Variants in FXYD4 observed in about 807,000 individuals in gnomAD.
The protein encoded by FXYD4 is FXYD domain-containing ion transport regulator 4.
FXYD4 carries 14 observed loss-of-function variants against 18.3 expected under a neutral mutation model. That is an observed-to-expected ratio of 0.77 (90% confidence interval 0.51 to 1.20). The LOEUF is 1.20. Ranked by LOEUF, FXYD4 falls within the 50% of genes most tolerant of loss-of-function variation. The pLI, the probability that FXYD4 is intolerant of heterozygous loss-of-function variation, is 0.00. For missense variants in FXYD4, 99 were observed against 106.1 expected, an observed-to-expected ratio of 0.93 and a Z score of 0.29; for synonymous variants, 40 against 40.5, an observed-to-expected ratio of 0.99 and a Z score of 0.04.
chr10:43,375,638 G>C, intron 6 of FXYD4, 57 bp from the exon 7 acceptor site: 1 of 1,610,314 alleles, frequency 6.2e-7, no homozygotes, highest in Non-Finnish European at 8.5e-7. Context: ...GGGGCAGAAA[G>C]AGAGAGTGCT....
intron 7 of FXYD4, 142 bp downstream of exon 7, chr10:43,375,876 C>G: frequency 1.6e-6 from 2 of 1,214,056 alleles, no homozygotes; most frequent in Non-Finnish European, 2.4e-6. Context: ...CTGAAGGGCC[C>G]CAGTCAGGAA....
At chr10:43,375,618 C>A (rs201709795) in intron 6 of FXYD4, 45 bp downstream of exon 6, 9 of 1,602,486 alleles carry the variant, frequency 5.6e-6, no homozygotes, top group African/African-American at 2.7e-5. Context: ...GTGGGGCTGG[C>A]GGACAGGGTG....
rs772981802 is a variant in FXYD4 at position 43,376,187 on chromosome 10, G to A, written c.*21G>A. On this transcript the variant is annotated 3_prime_UTR_variant, in exon 9 of 9. Transcript: ENST00000476166. The stretch of plus-strand genomic sequence containing the variant: ...GCTGAGCACAGGACTGGCCTCCAGG[G>A]ATGGCCTGAAGCCTAACACTGGCCC... The A allele has an allele frequency of 1.2e-6, 2 of 1,612,996 alleles. No individual in the cohort carries two copies. Among genetic ancestry groups the A allele is most frequent in the East Asian group, 2.2e-5 (1 of 44,874 alleles).
rs1445861231 is a variant in FXYD4, at chr10:43,373,545, A to C, written c.-202A>C. The C allele has an allele frequency of 5.0e-6, 3 of 594,570 alleles. No homozygotes were observed. Among genetic ancestry groups the C allele is most frequent in the Non-Finnish European group, 9.1e-6 (3 of 331,070 alleles). 36.8% of individuals were successfully genotyped at this position (594,570 alleles called of 1,614,324 possible). A position where few individuals can be genotyped will look rare whatever the true frequency, so the allele number is the denominator to read the frequency against. On this transcript the variant is annotated 5_prime_UTR_variant, in exon 3 of 9. Coordinates refer to ENST00000476166, the MANE Select transcript of FXYD4 (RefSeq NM_173160.3). ...CACCATCTCTAGATGGGAAGACAGA[A>C]AGTAGTTACTTTCCCAAGATCTCCC...
chr10:43,375,330 CT>C (rs1477407577), intron 5 of FXYD4, among the ~76,000 whole-genome samples, 168 bp from the exon 6 acceptor site: 1 of 152,010 alleles, frequency 6.6e-6, no homozygotes, highest in African/African-American at 2.4e-5. Context: ...CCCAGCCTCA[CT>C]TTTTTTCTTC....
At chr10:43,373,855 A>G (rs1160824534) in intron 3 of FXYD4, 72 bp downstream of exon 3, 3 of 999,982 alleles carry the variant, frequency 3.0e-6, no homozygotes, top group Non-Finnish European at 4.8e-6. Context: ...GCCAGACAAC[A>G]TCTCCTTTGG....
At chr10:43,374,944 C>T (rs1837850739) in intron 5 of FXYD4, among the ~76,000 whole-genome samples, 1 of 151,976 alleles carries the variant, frequency 6.6e-6, no homozygotes, top group African/African-American at 2.4e-5. Flanking sequence ...CTCCTCTCCT[C>T]CTCTCCCCTG....
In FXYD4 at chr10:43,376,260, C is replaced by A; in HGVS notation, c.*94C>A. ...GCCTTATCCTCAAGGAAGGACTTCT[C>A]TCCAAGGGCAGGCTGTTAGGCCCCT... On this transcript the variant is annotated 3_prime_UTR_variant, in exon 9 of 9. Coordinates refer to ENST00000476166, the MANE Select transcript of FXYD4 (RefSeq NM_173160.3). The A allele has an allele frequency of 7.2e-7, 1 of 1,390,336 alleles. No homozygotes were observed. The highest frequency in any genetic ancestry group is 1.0e-6 in the Non-Finnish European group (1 of 983,402). The allele number at this position is 1,390,336 out of a possible 1,614,324, so 86.1% of individuals were successfully genotyped here. A position where few individuals can be genotyped will look rare whatever the true frequency, so the allele number is the denominator to read the frequency against.
chr10:43,374,658 AC>A lies in FXYD4; in HGVS notation c.97+24del. 1.3e-6 allele frequency: 2 copies of A among 1,597,350 alleles called. No homozygotes were observed. Among genetic ancestry groups the A allele is most frequent in the Non-Finnish European group, 8.6e-7 (1 of 1,165,320 alleles). On this transcript the variant is annotated intron_variant, in intron 5 of 8. Transcript: ENST00000476166. ...TACTATGGTAAGAGCTGATATTCCCACCCCCACCCTACCCTTGCCTATCCTG... is the reference window on the plus strand; with the variant it reads ...TACTATGGTAAGAGCTGATATTCCCACCCCACCCTACCCTTGCCTATCCTG...
Position 43,376,085 on chromosome 10 carries a change from G to A in FXYD4, c.250+16G>A. 6.2e-7 allele frequency: 1 copy of A among 1,614,130 alleles called. No homozygotes were observed. The highest frequency in any genetic ancestry group is 8.5e-7 in the Non-Finnish European group (1 of 1,179,998). Reference sequence around the variant, plus strand: ...ATCACTCCAGGTGAGACGGGCTTCTGTGGGCTGAGGGGGTGTCTGTGTAAG... The same window carrying A: ...ATCACTCCAGGTGAGACGGGCTTCTATGGGCTGAGGGGGTGTCTGTGTAAG... On this transcript the variant is annotated intron_variant, in intron 8 of 8. Coordinates refer to ENST00000476166, the MANE Select transcript of FXYD4 (RefSeq NM_173160.3).
At chr10:43,373,941 G>A (rs1304658872) in intron 3 of FXYD4, among the ~76,000 whole-genome samples, 158 bp downstream of exon 3, 1 of 152,240 alleles carries the variant, frequency 6.6e-6, no homozygotes, top group Non-Finnish European at 1.5e-5. Context: ...GACAGTACAG[G>A]TAGGATGAGA....
At chr10:43,372,331 C>G (rs1476401745) in intron 1 of FXYD4, among the ~76,000 whole-genome samples, 1 of 152,174 alleles carries the variant, frequency 6.6e-6, no homozygotes, top group East Asian at 1.9e-4. Flanking sequence ...GTTGCCCAGG[C>G]TGGAGTGCAG....
intron 5 of FXYD4, 97 bp downstream of exon 5, chr10:43,374,736 A>G (rs1837848153): frequency 2.1e-6 from 2 of 957,362 alleles, no homozygotes; most frequent in African/African-American, 1.6e-5. Context: ...TAGTGTAGAC[A>G]AAGTGGGATG....
Position 43,375,710 on chromosome 10 carries a change from G to A in FXYD4, c.188G>A (p.Cys63Tyr), listed in dbSNP as rs41307500. 58,994 of 1,614,040 alleles carry A rather than the reference G, an allele frequency of 0.037. 1,226 individuals are homozygous for A. The highest frequency in any genetic ancestry group is 0.041 in the Non-Finnish European group (48,670 of 1,179,888). ...TCTCTCCCAGGTGGCAAATGCAAAT[G>A]CAAGAGCAGCCAGAAGCAGCACAGG... ...IAAVLSGKCK[C>Y]KSSQKQHSPV... Residue 63 changes from cysteine to tyrosine, a missense_variant, in exon 7 of 9, where the codon TGC becomes TAC. Physicochemically the swap from Cys to Tyr is radical, Grantham distance 194. Transcript: ENST00000476166.
In FXYD4 at chr10:43,375,494, C is replaced by G; in HGVS notation, c.98-5C>G. ...GTGCAAGCTCACTCTCTGTACCCAC[C>G]CCAGACTGGAAAAACCTGCAGCTGA... On this transcript the variant is annotated splice_polypyrimidine_tract_variant and splice_region_variant and intron_variant, in intron 5 of 8. Coordinates refer to ENST00000476166, the MANE Select transcript of FXYD4 (RefSeq NM_173160.3). 1.2e-6 allele frequency: 2 copies of G among 1,612,868 alleles called. No individual in the cohort carries two copies. Among genetic ancestry groups the G allele is most frequent in the African/African-American group, 1.3e-5 (1 of 74,996 alleles).
chr10:43,375,719 G>A lies in FXYD4; in HGVS notation c.197G>A (p.Ser66Asn), dbSNP rs766677160. ...GGTGGCAAATGCAAATGCAAGAGCA[G>A]CCAGAAGCAGCACAGGTGAGCCTGA... ...VLSGKCKCKS[S>N]QKQHSPVPEK... The change falls in exon 7 of 9, where the codon AGC becomes AAC. Residue 66 changes from serine (S) to asparagine (N), a missense_variant. Ser to Asn is a conservative substitution (Grantham distance 46). Coordinates refer to ENST00000476166, the MANE Select transcript of FXYD4 (RefSeq NM_173160.3). 6.2e-6 allele frequency: 10 copies of A among 1,614,070 alleles called. No individual in the cohort carries two copies. The South Asian group carries it at 1.1e-4, about 18-fold the overall frequency.
chr10:43,375,941 A>C (rs964245418), intron 7 of FXYD4, 91 bp from the exon 8 acceptor site: 29 of 1,386,686 alleles, frequency 2.1e-5, no homozygotes, highest in Non-Finnish European at 2.9e-5. Context: ...AAGGACTTGC[A>C]CTCCTGGGGC....
rs1837836844 is a variant in FXYD4, at chr10:43,373,809, C to T, written c.37+26C>T. 3.9e-6 allele frequency: 6 copies of T among 1,525,300 alleles called. No individual in the cohort carries two copies. In the African/African-American group the frequency reaches 5.5e-5, roughly 14 times the overall value. 94.5% of individuals were successfully genotyped at this position (1,525,300 alleles called of 1,614,324 possible). A position where few individuals can be genotyped will look rare whatever the true frequency, so the allele number is the denominator to read the frequency against. On this transcript the variant is annotated intron_variant, in intron 3 of 8. Coordinates refer to ENST00000476166, the MANE Select transcript of FXYD4 (RefSeq NM_173160.3). ...GTGAGTCCTCCCAGTCTCCTGGGAC[C>T]CTCTTGCATTCACCCCACCCACAAA...
intron 2 of FXYD4, among the ~76,000 whole-genome samples, 169 bp downstream of exon 2, chr10:43,372,941 A>T (rs1240480031): frequency 6.6e-6 from 1 of 151,896 alleles, no homozygotes; most frequent in East Asian, 1.9e-4. Flanking sequence ...GCGCTCAAAG[A>T]CTCAGCCTCC....
Sources: gnomAD v4.1 joint callset for allele counts (sites outside exome capture counted in the v4.1 genomes callset) on GRCh38, gnomAD v4.1.1 for gene constraint, MANE v1.5 for transcripts, NCBI Gene and HGNC (gene_info 2026-07-23, HGNC 2026-07-21) for gene names.